Variants in TOP2B observed in about 807,000 individuals in gnomAD.
TOP2B encodes the protein DNA topoisomerase 2-beta.
In TOP2B, 51 loss-of-function variants were observed where a neutral mutation model predicts 193.5. The ratio of observed to expected loss-of-function variants is 0.26; its 90% CI spans 0.21 to 0.33. TOP2B has a LOEUF of 0.33. Among genes scored for constraint, TOP2B ranks in the 10% least tolerant of loss-of-function variants. TOP2B has a pLI of 1.00. For missense variants in TOP2B, 1,378 were observed against 1,909.3 expected (o/e 0.72, Z 5.19); for synonymous variants, 634 against 635.7 (o/e 1.00, Z 0.04).
chr3:25,638,062 A>G, intron 5 of TOP2B, 103 bp downstream of exon 5: 1 of 1,048,376 alleles, frequency 9.5e-7, no homozygotes, highest in Non-Finnish European at 1.4e-6. Context: ...ATTAATTCTG[A>G]CAATGATTTT....
chr3:25,610,536 G>A (rs1298332080), intron 28 of TOP2B, among the ~76,000 whole-genome samples: 2 of 152,186 alleles, frequency 1.3e-5, no homozygotes, highest in Non-Finnish European at 2.9e-5. Context: ...CCATCTAACA[G>A]GAATTAAATG....
chr3:25,637,176 G>A (rs1489713768), intron 6 of TOP2B, 39 bp downstream of exon 6: 24 of 1,438,680 alleles, frequency 1.7e-5, no homozygotes, highest in Middle Eastern at 3.7e-4. Context: ...ATAATAAAAC[G>A]TTATTTTAAA....
intron 1 of TOP2B, among the ~76,000 whole-genome samples, chr3:25,661,482 T>C (rs571778325): frequency 7.2e-5 from 11 of 152,344 alleles, no homozygotes; most frequent in African/African-American, 2.4e-4. Context: ...AATGTCTTTG[T>C]TACAATCACT....
chr3:25,622,939 T>G (rs1702699265), intron 21 of TOP2B, among the ~76,000 whole-genome samples: 1 of 152,032 alleles, frequency 6.6e-6, no homozygotes, highest in African/African-American at 2.4e-5. Flanking sequence ...GAGCAACACC[T>G]AATTTTTTTT....
chr3:25,636,868 T>C (rs1163625674), intron 6 of TOP2B, among the ~76,000 whole-genome samples: 1 of 152,056 alleles, frequency 6.6e-6, no homozygotes, highest in African/African-American at 2.4e-5. Context: ...AAATAAAATT[T>C]TGAAATATAA....
intron 35 of TOP2B, among the ~76,000 whole-genome samples, 192 bp downstream of exon 35, chr3:25,599,243 C>CAGTT (rs1342791849): frequency 6.6e-6 from 1 of 152,064 alleles, no homozygotes; most frequent in African/African-American, 2.4e-5. Flanking sequence ...ATTTATAGCA[C>CAGTT]AGTTATTTAG....
chr3:25,604,932 G>A (rs1702198516), intron 32 of TOP2B, 62 bp from the exon 33 acceptor site: 1 of 1,265,046 alleles, frequency 7.9e-7, no homozygotes, highest in South Asian at 1.2e-5. Flanking sequence ...AGTAAACTTT[G>A]ACTCTTTTAA....
At position 25,607,158 on chromosome 3, in the gene TOP2B, T is replaced by C. The variant is rs533194116; in HGVS notation, c.4298+13A>G. On this transcript the variant is annotated intron_variant, in intron 31 of 35. Transcript: ENST00000264331. ...CAATTAACTATACCACATCACTAAA[T>C]AGCATTACTTACTCTGGAGTGGCTT... The C allele has an allele frequency of 2.0e-5, 32 of 1,612,384 alleles. No individual in the cohort carries two copies. The highest frequency in any genetic ancestry group is 1.1e-4 in the South Asian group (10 of 90,860).
At chr3:25,627,104 T>C (rs545962942) in intron 16 of TOP2B, 83 bp downstream of exon 16, 8 of 985,372 alleles carry the variant, frequency 8.1e-6, no homozygotes, top group East Asian at 2.4e-5. Context: ...AAGAGACTTA[T>C]CATAGGGAAC....
chr3:25,634,778 C>CAAAAAA (rs34755793), intron 7 of TOP2B, among the ~76,000 whole-genome samples: 1 of 26,546 alleles, frequency 3.8e-5, no homozygotes, highest in African/African-American at 1.2e-4. Flanking sequence ...TCTCCCTTAC[C>CAAAAAA]AAAAAAAAAA....
intron 18 of TOP2B, 69 bp from the exon 19 acceptor site, chr3:25,624,872 C>G (rs1702751569): frequency 6.8e-7 from 1 of 1,478,566 alleles, no homozygotes; most frequent in African/African-American, 1.4e-5. Context: ...GGGAATAAAG[C>G]AAAGATACAA....
Position 25,645,437 on chromosome 3 carries a change from C to T in TOP2B, c.103G>A (p.Glu35Lys). 13 of 1,613,296 alleles carry T rather than the reference C, an allele frequency of 8.1e-6. No homozygotes were observed. The highest frequency in any genetic ancestry group is 1.1e-5 in the Non-Finnish European group (13 of 1,179,676). Reference sequence around the variant, plus strand: ...TTTTTGTTGGCAGTTTCTGACTCTTCTTTTTTTGCAGCATTGTTCTGATCA... The same window carrying T: ...TTTTTGTTGGCAGTTTCTGACTCTTTTTTTTTTGCAGCATTGTTCTGATCA... Reference protein sequence around the residue: ...LFDQNNAAKKEESETANKNDS... With the variant: ...LFDQNNAAKKKESETANKNDS... Residue 35 changes from glutamate (E) to lysine (K), a missense_variant, in exon 2 of 36, where the codon GAA (glutamate) becomes AAA (lysine). By Grantham distance (56) the Glu-to-Lys change is moderately conservative. This residue lies in a region of TOP2B where 83 missense variants were observed against 59.3 expected (regional missense o/e 1.40). Transcript: ENST00000264331.
chr3:25,604,270 C>G (rs115751325), intron 33 of TOP2B, among the ~76,000 whole-genome samples: 220 of 152,154 alleles, frequency 1.4e-3, no homozygotes, highest in African/African-American at 5.2e-3. Flanking sequence ...AAAAAGACCA[C>G]GGTACATATA....
At chr3:25,613,019 T>A (rs561713456) in intron 27 of TOP2B, among the ~76,000 whole-genome samples, 2 of 152,306 alleles carry the variant, frequency 1.3e-5, no homozygotes, top group East Asian at 1.9e-4. Context: ...AGACCTCTGA[T>A]AACCTAGTAT....
chr3:25,610,142 G>A (rs770992191), intron 28 of TOP2B, among the ~76,000 whole-genome samples: 1 of 151,730 alleles, frequency 6.6e-6, no homozygotes, highest in South Asian at 2.1e-4. Context: ...CGGAGATTGC[G>A]GTGAGCCTCT....
intron 1 of TOP2B, among the ~76,000 whole-genome samples, chr3:25,660,798 C>T (rs892035291): frequency 1.3e-5 from 2 of 152,118 alleles, no homozygotes; most frequent in African/African-American, 2.4e-5. Flanking sequence ...GAGATATTCA[C>T]ACTCCAAAAA....
chr3:25,608,468 T>G (rs961691954), intron 30 of TOP2B, among the ~76,000 whole-genome samples: 2 of 152,160 alleles, frequency 1.3e-5, no homozygotes, highest in South Asian at 4.1e-4. Flanking sequence ...CTATGTACAC[T>G]AGGGAAAGAA....
At chr3:25,646,396 G>C (rs1429927014) in intron 1 of TOP2B, among the ~76,000 whole-genome samples, 1 of 152,112 alleles carries the variant, frequency 6.6e-6, no homozygotes, top group Non-Finnish European at 1.5e-5. Context: ...CCAGTTTCAA[G>C]GAGGCACAGG....
intron 34 of TOP2B, among the ~76,000 whole-genome samples, chr3:25,600,208 T>G (rs2125339813): frequency 6.6e-6 from 1 of 152,322 alleles, no homozygotes; most frequent in Middle Eastern, 3.4e-3. Context: ...AATATTTAAG[T>G]AGGGGCCAGA....
Sources: allele counts gnomAD v4.1 joint callset (sites outside exome capture counted in the v4.1 genomes callset), GRCh38; gene constraint gnomAD v4.1.1; regional missense constraint gnomAD v4.1.1; transcripts MANE v1.5; gene names NCBI Gene and HGNC (gene_info 2026-07-23, HGNC 2026-07-21).